The following NLGN4Y variants were observed in gnomAD, a reference collection of about 807,000 sequenced individuals.
The protein encoded by NLGN4Y is neuroligin-4, Y-linked.
Under a neutral mutation model 8.4 loss-of-function variants are expected in NLGN4Y, and 4 were observed. The ratio of observed to expected loss-of-function variants is 0.48; its 90% CI spans 0.23 to 1.09. The LOEUF (loss-of-function observed/expected upper bound fraction) is 1.09, where lower values mean the gene tolerates loss of function less well. Among genes scored for constraint, NLGN4Y ranks in the 50% least tolerant of loss-of-function variants. The pLI is 0.19. For synonymous variants in NLGN4Y, 35 were observed against 75.6 expected, an observed-to-expected ratio of 0.46 and a Z score of 2.78; for missense variants, 90 against 192.3, an observed-to-expected ratio of 0.47 and a Z score of 3.15.
At position 14,720,883 on chromosome Y, in the gene NLGN4Y, T is replaced by C. The variant is rs200468996; in HGVS notation, c.532+1365T>C. ...CAGGTACCTCTTCTTTGATAAGGGCTTCTAAATGCCTCACATTTTGTCAGT... is the reference window on the plus strand; with the variant it reads ...CAGGTACCTCTTCTTTGATAAGGGCCTCTAAATGCCTCACATTTTGTCAGT... On this transcript the variant is annotated intron_variant, in intron 3 of 6. Coordinates refer to ENST00000684976, the MANE Select transcript of NLGN4Y (RefSeq NM_001365588.1). Among the ~76,000 whole-genome samples, 64 of 33,467 alleles carry C rather than the reference T, an allele frequency of 1.9e-3. No homozygotes were observed. The East Asian group carries it at 0.047, about 25-fold the overall frequency. The allele number at this position is 33,467 out of a possible 37,273, so 89.8% of individuals were successfully genotyped here. A position where few individuals can be genotyped will look rare whatever the true frequency, so the allele number is the denominator to read the frequency against.
intron 2 of NLGN4Y, among the ~76,000 whole-genome samples, chrY:14,697,594 G>GAGAGAGATAGAT (rs61576386): frequency 0.037 from 772 of 21,146 alleles, no homozygotes; most frequent in African/African-American, 0.12. Context: ...ATAGATGAGA[G>GAGAGAGATAGAT]AGATAGATAG....
chrY:14,810,580 G>A (rs2043074521), intron 4 of NLGN4Y, among the ~76,000 whole-genome samples: 1 of 32,225 alleles, frequency 3.1e-5, no homozygotes, highest in Non-Finnish European at 7.5e-5. Flanking sequence ...TTCCAGGCAG[G>A]CCATTCTCAA....
chrY:14,793,362 C>T, intron 4 of NLGN4Y, among the ~76,000 whole-genome samples: 1 of 33,419 alleles, frequency 3.0e-5, no homozygotes, highest in African/African-American at 1.2e-4. Flanking sequence ...CAGGAACTTT[C>T]TTGCAAAATA....
At chrY:14,796,480 G>C in intron 4 of NLGN4Y, among the ~76,000 whole-genome samples, 2 of 29,818 alleles carry the variant, frequency 6.7e-5, no homozygotes, top group African/African-American at 1.3e-4. Context: ...TGTAGTCCCA[G>C]GTACGCGGGA....
chrY:14,745,443 T>C (rs2081021425), intron 4 of NLGN4Y, among the ~76,000 whole-genome samples: 3 of 33,522 alleles, frequency 8.9e-5, no homozygotes, highest in African/African-American at 2.3e-4. Flanking sequence ...GGAAGTAAGA[T>C]GCTCTTCTCA....
chrY:14,781,163 G>T (rs2042942950), intron 4 of NLGN4Y, among the ~76,000 whole-genome samples: 1 of 33,690 alleles, frequency 3.0e-5, no homozygotes, highest in African/African-American at 1.2e-4. Context: ...AAATAAATAT[G>T]ACATTTCTGG....
At chrY:14,586,434 CA>C in intron 1 of NLGN4Y, among the ~76,000 whole-genome samples, 1 of 33,336 alleles carries the variant, frequency 3.0e-5, no homozygotes, top group South Asian at 6.7e-4. Flanking sequence ...GAGCTGGGGT[CA>C]CAGGTGGTGG....
chrY:14,645,900 G>A (rs2080610038), intron 2 of NLGN4Y, among the ~76,000 whole-genome samples: 1 of 32,687 alleles, frequency 3.1e-5, no homozygotes, highest in Non-Finnish European at 7.5e-5. Context: ...TAATATGGTT[G>A]ATGAGGATGG....
chrY:14,838,647 C>A, intron 6 of NLGN4Y, among the ~76,000 whole-genome samples: 1 of 32,535 alleles, frequency 3.1e-5, no homozygotes, highest in South Asian at 7.0e-4. Context: ...CCCTCCCTTG[C>A]AATATTGTAG....
At chrY:14,675,894 G>A (rs375053437) in intron 2 of NLGN4Y, among the ~76,000 whole-genome samples, 1 of 32,876 alleles carries the variant, frequency 3.0e-5, no homozygotes, top group African/African-American at 1.2e-4. Context: ...CTTATTAGGG[G>A]TTAATAATAT....
chrY:14,568,805 G>A, intron 1 of NLGN4Y, among the ~76,000 whole-genome samples: 1 of 32,206 alleles, frequency 3.1e-5, no homozygotes, highest in Non-Finnish European at 7.6e-5. Flanking sequence ...TTGAGTAATT[G>A]TATTACCATA....
chrY:14,620,221 G>A, intron 1 of NLGN4Y, among the ~76,000 whole-genome samples: 3 of 33,094 alleles, frequency 9.1e-5, no homozygotes, highest in Non-Finnish European at 2.2e-4. Flanking sequence ...CTTGGGGAAG[G>A]CTCCAAAAGT....
chrY:14,656,588 C>CA (rs2080652459), intron 2 of NLGN4Y, among the ~76,000 whole-genome samples: 1 of 15,013 alleles, frequency 6.7e-5, no homozygotes. Flanking sequence ...GACTCCATCA[C>CA]AAAAAAAACA....
intron 2 of NLGN4Y, among the ~76,000 whole-genome samples, chrY:14,651,284 G>A (rs2080628665): frequency 6.0e-5 from 2 of 33,134 alleles, no homozygotes; most frequent in Non-Finnish European, 1.5e-4. Flanking sequence ...TGTCTTTGCT[G>A]GGAATTGTAT....
At chrY:14,784,595 G>T in intron 4 of NLGN4Y, among the ~76,000 whole-genome samples, 2 of 29,067 alleles carry the variant, frequency 6.9e-5, no homozygotes, top group South Asian at 1.7e-3. Context: ...GGGAGGCGGA[G>T]CTTGCAGTGA....
chrY:14,842,709 G>A lies in NLGN4Y; in HGVS notation c.*1447G>A. 1 of 121,640 alleles carries A rather than the reference G, an allele frequency of 8.2e-6. No individual in the cohort carries two copies. The highest frequency in any genetic ancestry group is 1.8e-5 in the Non-Finnish European group (1 of 56,138). 30.3% of individuals were successfully genotyped at this position (121,640 alleles called of 400,897 possible). ...AATATTAAGAAGAATGGGGGAAAAA[G>A]GATAGAATATTAAAACTGCTTTGCA... On this transcript the variant is annotated 3_prime_UTR_variant, in exon 7 of 7. Coordinates refer to ENST00000684976, the MANE Select transcript of NLGN4Y (RefSeq NM_001365588.1).
intron 1 of NLGN4Y, among the ~76,000 whole-genome samples, chrY:14,607,319 G>T (rs2080450181): frequency 3.1e-5 from 1 of 32,320 alleles, no homozygotes; most frequent in Non-Finnish European, 7.6e-5. Context: ...CATCATCTAG[G>T]TTTTAAGCCT....
intron 2 of NLGN4Y, among the ~76,000 whole-genome samples, chrY:14,707,653 T>C (rs2080886726): frequency 3.1e-5 from 1 of 32,661 alleles, no homozygotes; most frequent in South Asian, 6.8e-4. Context: ...GATGATATTG[T>C]CTATCAGCTG....
At chrY:14,760,940 A>G (rs2081078022) in intron 4 of NLGN4Y, among the ~76,000 whole-genome samples, 1 of 34,029 alleles carries the variant, frequency 2.9e-5, no homozygotes, top group Non-Finnish European at 7.3e-5. Context: ...AATTAACAAG[A>G]TGAATTTAAA....
Sources: gnomAD v4.1 joint callset for allele counts (sites outside exome capture counted in the v4.1 genomes callset) on GRCh38, gnomAD v4.1.1 for gene constraint, MANE v1.5 for transcripts, NCBI Gene and HGNC (gene_info 2026-07-23, HGNC 2026-07-21) for gene names.